CAPN2: variants seen among roughly 807,000 people sequenced by gnomAD.
CAPN2 encodes the protein calpain-2 catalytic subunit.
A neutral mutation model predicts 102.3 loss-of-function variants in CAPN2; 92 were observed. The observed-to-expected ratio is 0.90, with a 90% CI of 0.76 to 1.07. CAPN2 has a LOEUF of 1.07. Among genes scored for constraint, CAPN2 ranks in the 50% least tolerant of loss-of-function variants. CAPN2 has a pLI of 0.00. For synonymous variants in CAPN2, 340 were observed against 355.4 expected, an observed-to-expected ratio of 0.96 and a Z score of 0.49; for missense variants, 800 against 909.4, an observed-to-expected ratio of 0.88 and a Z score of 1.55.
In CAPN2 at chr1:223,705,935, T is replaced by C. The variant is rs1284733383; in HGVS notation, c.3+4104T>C. On this transcript the variant is annotated intron_variant, in intron 1 of 20. Transcript: ENST00000433674. ...GGTATTATTTCCCCATTTTAAGAGA[T>C]GGGAGAATGGATAGTTAGTATTTTG... Among the ~76,000 whole-genome samples, 6 of 145,308 alleles carry C rather than the reference T, an allele frequency of 4.1e-5. No individual in the cohort carries two copies. The East Asian group carries it at 6.1e-4, about 15-fold the overall frequency.
At position 223,725,370 on chromosome 1, in the gene CAPN2, G is replaced by A. The variant is rs565243222; in HGVS notation, c.307+7539G>A. Among the ~76,000 whole-genome samples, 7 of 151,340 alleles carry A rather than the reference G, an allele frequency of 4.6e-5. No homozygotes were observed. The South Asian group carries it at 1.3e-3, about 27-fold the overall frequency. On this transcript the variant is annotated intron_variant, in intron 2 of 20. Coordinates refer to ENST00000295006, the MANE Select transcript of CAPN2 (RefSeq NM_001748.5). This position sits in a 1 kb window ranked among gnomAD's most constrained non-coding sequence, Gnocchi z 4.1. ...TGCACTCCATCCTGGGCAATAGAGC[G>A]AGACTTCATCTCAAAAAAAAAAAAA...
intron 12 of CAPN2, among the ~76,000 whole-genome samples, chr1:223,761,010 T>C (rs1661170251): frequency 6.6e-6 from 1 of 152,136 alleles, no homozygotes; most frequent in Non-Finnish European, 1.5e-5. Context: ...CAGTATAAAC[T>C]AACCACTGCC....
chr1:223,742,518 ATT>A (rs199697766), intron 2 of CAPN2, among the ~76,000 whole-genome samples: 1,511 of 114,192 alleles, frequency 0.013, 25 homozygotes, highest in African/African-American at 0.049. Flanking sequence ...ATATATATAT[ATT>A]TTTTTTTTTT....
chr1:223,703,753 C>T (rs1021692119), intron 1 of CAPN2, among the ~76,000 whole-genome samples: 11 of 152,226 alleles, frequency 7.2e-5, no homozygotes, highest in African/African-American at 2.2e-4. Context: ...TGTCTAACTT[C>T]GTTTTGGCAT....
At chr1:223,714,152 C>G (rs1473906524) in intron 1 of CAPN2, among the ~76,000 whole-genome samples, 1 of 152,170 alleles carries the variant, frequency 6.6e-6, no homozygotes, top group African/African-American at 2.4e-5. Flanking sequence ...CCTTGTTTTT[C>G]TCTGTCACCC....
At chr1:223,753,477 T>A (rs1660957229) in intron 9 of CAPN2, among the ~76,000 whole-genome samples, 1 of 152,236 alleles carries the variant, frequency 6.6e-6, no homozygotes, top group Non-Finnish European at 1.5e-5. Flanking sequence ...TCTCCTCTGG[T>A]CCAGCCTTTG....
At position 223,725,128 on chromosome 1, in the gene CAPN2, T is replaced by G. The variant is rs937963200; in HGVS notation, c.307+7297T>G. 2.0e-5 allele frequency among the ~76,000 whole-genome samples: 3 copies of G among 152,208 alleles called. No individual in the cohort carries two copies. The highest frequency in any genetic ancestry group is 6.5e-5 in the Admixed American group (1 of 15,278). ...TCACTATCCTCTTCACACCTCAGTT[T>G]CCTCATCCGTGAAATGAAGATAATA... On this transcript the variant is annotated intron_variant, in intron 2 of 20. Transcript: ENST00000295006. This position sits in a 1 kb window ranked among gnomAD's most constrained non-coding sequence, Gnocchi z 4.1.
chr1:223,702,136 A>AGGAAGGAG (rs57280738), intron 1 of CAPN2, among the ~76,000 whole-genome samples: 1 of 146,342 alleles, frequency 6.8e-6, no homozygotes, highest in East Asian at 2.1e-4. Context: ...GAAGGAAGGA[A>AGGAAGGAG]AGAAGGAGGC....
Position 223,725,728 on chromosome 1 carries a change from G to C in CAPN2, c.307+7897G>C, listed in dbSNP as rs180778060. Among the ~76,000 whole-genome samples, 1 of 152,208 alleles carries C rather than the reference G, an allele frequency of 6.6e-6. No individual in the cohort carries two copies. Among genetic ancestry groups the C allele is most frequent in the Non-Finnish European group, 1.5e-5 (1 of 68,028 alleles). Reference sequence around the variant, plus strand: ...GAGTTTCCTGCTGTAATTTTCTTTGGTCACACAATGGTCATGGCCTCCTGA... The same window carrying C: ...GAGTTTCCTGCTGTAATTTTCTTTGCTCACACAATGGTCATGGCCTCCTGA... On this transcript the variant is annotated intron_variant, in intron 2 of 20. Coordinates refer to ENST00000295006, the MANE Select transcript of CAPN2 (RefSeq NM_001748.5). This position sits in a 1 kb window ranked among gnomAD's most constrained non-coding sequence, Gnocchi z 4.1.
chr1:223,768,347 C>T (rs1325389743), intron 16 of CAPN2, among the ~76,000 whole-genome samples: 1 of 150,376 alleles, frequency 6.6e-6, no homozygotes, highest in Non-Finnish European at 1.5e-5. Context: ...GTCTTTAATC[C>T]ATCTTGAATT....
chr1:223,743,986 CT>C (rs1015899398), intron 2 of CAPN2, 113 bp from the exon 3 acceptor site: 2 of 729,748 alleles, frequency 2.7e-6, no homozygotes, highest in African/African-American at 3.5e-5. Flanking sequence ...AAACTTCACT[CT>C]GTCTATTCAC....
chr1:223,709,117 T>C (rs991276791), upstream of CAPN2, among the ~76,000 whole-genome samples: 1 of 152,008 alleles, frequency 6.6e-6, no homozygotes, highest in African/African-American at 2.4e-5. Context: ...CAGGAGAAGC[T>C]GGGCAGGGAA....
chr1:223,762,242 G>A lies in CAPN2; in HGVS notation c.1623G>A (p.Leu541=). Residue 541 remains leucine (L), a synonymous_variant, in exon 14 of 21, where the codon TTG becomes TTA. Transcript: ENST00000295006. ...DDGFRRLFAQ[L]AGEDAEISAF... ...GATTCAGGAGACTGTTTGCCCAGTT[G>A]GCAGGAGAGGTAAATGTTCCCAAAA... 6.2e-7 allele frequency: 1 copy of A among 1,613,454 alleles called. No homozygotes were observed. Among genetic ancestry groups the A allele is most frequent in the South Asian group, 1.1e-5 (1 of 91,026 alleles).
chr1:223,718,208 A>G (rs552567267), intron 2 of CAPN2, among the ~76,000 whole-genome samples: 23 of 152,330 alleles, frequency 1.5e-4, no homozygotes, highest in Non-Finnish European at 2.6e-4. Flanking sequence ...CCCCCAGACC[A>G]ATGACAGCAC....
intron 1 of CAPN2, among the ~76,000 whole-genome samples, chr1:223,702,634 G>A (rs1215190777): frequency 2.0e-5 from 3 of 152,166 alleles, no homozygotes; most frequent in African/African-American, 7.2e-5. Context: ...CAAGAAGAGA[G>A]CAAAACGGGG....
intron 2 of CAPN2, among the ~76,000 whole-genome samples, chr1:223,720,305 CT>C (rs1660017867): frequency 1.6e-5 from 2 of 124,534 alleles, no homozygotes; most frequent in Non-Finnish European, 3.2e-5. Context: ...CTTATTTTCT[CT>C]CTTTCTCTCT....
chr1:223,754,282 C>T lies in CAPN2; in HGVS notation c.1136-1198C>T, dbSNP rs28370093. ...CAGTTCTGGGGCTCGGACTCCTTCA[C>T]CTCAAGTATGCAGCCACCAAGTGGC... On this transcript the variant is annotated intron_variant, in intron 9 of 20. Transcript: ENST00000295006. This position sits in a 1 kb window ranked among gnomAD's most constrained non-coding sequence, Gnocchi z 4.7. Among the ~76,000 whole-genome samples the T allele has an allele frequency of 3.4e-3, 511 of 152,358 alleles. 2 individuals carry two copies. The highest frequency in any genetic ancestry group is 0.012 in the African/African-American group (495 of 41,578).
intron 2 of CAPN2, among the ~76,000 whole-genome samples, chr1:223,735,545 AT>A (rs1214067447): frequency 1.4e-5 from 2 of 143,332 alleles, no homozygotes; most frequent in African/African-American, 5.4e-5. Flanking sequence ...AAAAAAAAAA[AT>A]TTGTGGTCTT....
chr1:223,714,039 C>T (rs929830116), intron 1 of CAPN2, among the ~76,000 whole-genome samples: 1 of 152,192 alleles, frequency 6.6e-6, no homozygotes, highest in African/African-American at 2.4e-5. Context: ...CAGCAAGGCA[C>T]GCTGTTACCT....
Sources: gnomAD v4.1 joint callset for allele counts (sites outside exome capture counted in the v4.1 genomes callset) on GRCh38, gnomAD v4.1.1 for gene constraint, Gnocchi (gnomAD v3.1) non-coding constraint, MANE v1.5 for transcripts, NCBI Gene and HGNC (gene_info 2026-07-23, HGNC 2026-07-21) for gene names.